The following CSNK1G3 variants were observed in gnomAD, a reference collection of about 807,000 sequenced individuals.
CSNK1G3 encodes the protein casein kinase I isoform gamma-3.
Under a neutral mutation model 64.3 loss-of-function variants are expected in CSNK1G3, and 23 were observed. That is an observed-to-expected ratio of 0.36 (90% CI 0.26 to 0.51). The LOEUF (loss-of-function observed/expected upper bound fraction) is 0.51, where lower values mean the gene tolerates loss of function less well. CSNK1G3 is among the 20% of genes least tolerant of loss of function. CSNK1G3 has a pLI of 0.96. For missense variants in CSNK1G3, 357 were observed against 510.5 expected, an observed-to-expected ratio of 0.70 and a Z score of 2.90; for synonymous variants, 158 against 162.2, an observed-to-expected ratio of 0.97 and a Z score of 0.20.
chr5:123,609,607 G>T (rs1323816375), intron 12 of CSNK1G3, among the ~76,000 whole-genome samples: 1 of 152,186 alleles, frequency 6.6e-6, no homozygotes, highest in African/African-American at 2.4e-5. Flanking sequence ...AAGTGACAGA[G>T]ACTGTATAAC....
intron 4 of CSNK1G3, among the ~76,000 whole-genome samples, 198 bp downstream of exon 4, chr5:123,557,762 G>T (rs1784905536): frequency 6.6e-6 from 1 of 152,066 alleles, no homozygotes; most frequent in Non-Finnish European, 1.5e-5. Flanking sequence ...ATGCTGATAT[G>T]AGTAGAGAAC....
At chr5:123,519,360 A>C (rs1011732798) in intron 1 of CSNK1G3, among the ~76,000 whole-genome samples, 2 of 152,238 alleles carry the variant, frequency 1.3e-5, no homozygotes, top group Non-Finnish European at 2.9e-5. Context: ...GCTGGGTCTG[A>C]ATATTTTAGG....
chr5:123,543,597 C>G (rs754627690), intron 1 of CSNK1G3, among the ~76,000 whole-genome samples: 4 of 152,114 alleles, frequency 2.6e-5, no homozygotes, highest in African/African-American at 9.7e-5. Flanking sequence ...GATCTGTGAT[C>G]ACTGTGTGTT....
exon 2 of CSNK1G3, chr5:123,545,715 C>T: frequency 6.2e-7 from 1 of 1,613,512 alleles, no homozygotes; most frequent in Non-Finnish European, 8.5e-7. Flanking sequence ...AATGGCACGA[C>T]CTAGTGGTCG....
At chr5:123,574,739 A>G (rs1421072659) in intron 5 of CSNK1G3, among the ~76,000 whole-genome samples, 1 of 152,122 alleles carries the variant, frequency 6.6e-6, no homozygotes, top group African/African-American at 2.4e-5. Flanking sequence ...TTGAGGCAAG[A>G]GGATTGCTTG....
At position 123,614,269 on chromosome 5, in the gene CSNK1G3, G is replaced by A; in HGVS notation, c.1218-73G>A. ...CCTGTTGCTTTTTATGATCATTTAAGTTAAAGTGATACAGTCAACTTTGTG... is the reference window on the plus strand; with the variant it reads ...CCTGTTGCTTTTTATGATCATTTAAATTAAAGTGATACAGTCAACTTTGTG... On this transcript the variant is annotated intron_variant, in intron 12 of 12. Coordinates refer to ENST00000345990, the Ensembl canonical transcript of CSNK1G3. The A allele has an allele frequency of 3.5e-6, 5 of 1,440,312 alleles. 1 individual carries two copies. Among genetic ancestry groups the A allele is most frequent in the Non-Finnish European group, 4.8e-6 (5 of 1,045,978 alleles). 89.2% of individuals were successfully genotyped at this position (1,440,312 alleles called of 1,614,324 possible).
chr5:123,584,179 T>C (rs976198417), intron 6 of CSNK1G3, among the ~76,000 whole-genome samples: 1 of 152,230 alleles, frequency 6.6e-6, no homozygotes, highest in African/African-American at 2.4e-5. Flanking sequence ...CTTTGCTTCT[T>C]TGTACTGGCA....
At chr5:123,545,556 A>T (rs891741504) in exon 2 of CSNK1G3, 4 of 810,820 alleles carry the variant, frequency 4.9e-6, no homozygotes, top group Non-Finnish European at 7.6e-6. Flanking sequence ...GAATGTTAAC[A>T]TTACCCATCT....
At chr5:123,516,387 A>G (rs1278390762) in intron 1 of CSNK1G3, among the ~76,000 whole-genome samples, 3 of 152,222 alleles carry the variant, frequency 2.0e-5, no homozygotes, top group African/African-American at 7.2e-5. Flanking sequence ...AAATGTAGAA[A>G]TATATAACTT....
rs376919345 is a variant in CSNK1G3, at chr5:123,549,289, A to T, written c.178+3448A>T. ...TAGCTAAAATATAGGGTTGTATTAT[A>T]TATGTATTTTTATTTTTCTGTATAT... On this transcript the variant is annotated intron_variant, in intron 2 of 12. Coordinates refer to ENST00000345990, the Ensembl canonical transcript of CSNK1G3. Among the ~76,000 whole-genome samples the T allele has an allele frequency of 2.6e-5, 4 of 152,286 alleles. No homozygotes were observed. The South Asian group carries it at 8.3e-4, about 32-fold the overall frequency.
At chr5:123,584,116 G>A (rs546899364) in intron 6 of CSNK1G3, among the ~76,000 whole-genome samples, 1 of 152,272 alleles carries the variant, frequency 6.6e-6, no homozygotes, top group East Asian at 1.9e-4. Flanking sequence ...TGTCTGCAAA[G>A]AGCAATAGTT....
intron 1 of CSNK1G3, among the ~76,000 whole-genome samples, chr5:123,533,347 T>G (rs1010452951): frequency 4.7e-4 from 71 of 152,080 alleles, no homozygotes; most frequent in African/African-American, 1.7e-3. Context: ...TTTTTTCTTT[T>G]TGCTAAGATT....
intron 4 of CSNK1G3, among the ~76,000 whole-genome samples, chr5:123,567,154 C>T (rs1160597747): frequency 1.3e-5 from 2 of 152,178 alleles, no homozygotes; most frequent in African/African-American, 2.4e-5. Flanking sequence ...GACTCATTCA[C>T]TATTATGAGA....
intron 1 of CSNK1G3, among the ~76,000 whole-genome samples, chr5:123,513,939 G>T (rs1776685774): frequency 6.6e-6 from 1 of 151,774 alleles, no homozygotes; most frequent in Non-Finnish European, 1.5e-5. Context: ...TACAAACTTT[G>T]CTCCAGTTGT....
chr5:123,565,522 C>G (rs954027329), intron 4 of CSNK1G3, among the ~76,000 whole-genome samples: 2 of 152,202 alleles, frequency 1.3e-5, no homozygotes, highest in East Asian at 3.8e-4. Flanking sequence ...TAAATTAAAT[C>G]AGGAAGTTTA....
At chr5:123,515,881 G>A (rs1343367230) in intron 1 of CSNK1G3, among the ~76,000 whole-genome samples, 2 of 152,042 alleles carry the variant, frequency 1.3e-5, no homozygotes, top group Admixed American at 6.6e-5. Flanking sequence ...ATACTATTAC[G>A]ACAACTCTGA....
chr5:123,612,608 G>C (rs948310416), intron 12 of CSNK1G3, among the ~76,000 whole-genome samples: 12 of 151,742 alleles, frequency 7.9e-5, no homozygotes, highest in African/African-American at 2.9e-4. Flanking sequence ...CTCCTGAGTA[G>C]CTGGGATTAC....
At chr5:123,589,382 TTAGTG>T (rs1791928577) in intron 8 of CSNK1G3, among the ~76,000 whole-genome samples, 1 of 152,116 alleles carries the variant, frequency 6.6e-6, no homozygotes, top group African/African-American at 2.4e-5. Context: ...TACTAGCAGT[TTAGTG>T]TAGGCAGATA....
chr5:123,594,935 A>T, intron 10 of CSNK1G3, 104 bp from the exon 11 acceptor site: 1 of 874,584 alleles, frequency 1.1e-6, no homozygotes, highest in Non-Finnish European at 1.8e-6. Flanking sequence ...AGGGTATTTT[A>T]AATTTCCTTT....
Sources: allele counts gnomAD v4.1 joint callset (sites outside exome capture counted in the v4.1 genomes callset), GRCh38; gene constraint gnomAD v4.1.1; transcripts MANE v1.5; gene names NCBI Gene and HGNC (gene_info 2026-07-23, HGNC 2026-07-21).